The following BLK variants were observed in gnomAD, a reference collection of about 807,000 sequenced individuals.
BLK encodes the protein tyrosine-protein kinase Blk.
In BLK, 64 loss-of-function variants were observed where a neutral mutation model predicts 61.8. That is an observed-to-expected ratio of 1.03 (90% CI 0.85 to 1.27). The LOEUF is 1.27. Ranked by LOEUF, BLK falls within the 50% of genes most tolerant of loss-of-function variation. BLK has a pLI of 0.00. For synonymous variants in BLK, 351 were observed against 272.0 expected, an observed-to-expected ratio of 1.29 and a Z score of -2.86; for missense variants, 853 against 660.5, an observed-to-expected ratio of 1.29 and a Z score of -3.19.
At chr8:11,520,342 T>C (rs1217202452) in intron 1 of BLK, among the ~76,000 whole-genome samples, 3 of 151,518 alleles carry the variant, frequency 2.0e-5, no homozygotes, top group African/African-American at 7.3e-5. Flanking sequence ...CCAGGTGTGG[T>C]GGTGCATGCC....
intron 1 of BLK, among the ~76,000 whole-genome samples, chr8:11,525,438 T>C (rs962650906): frequency 3.3e-5 from 5 of 152,206 alleles, no homozygotes; most frequent in Non-Finnish European, 7.3e-5. Context: ...GACTCCTTTT[T>C]TTAAATTTCA....
intron 6 of BLK, among the ~76,000 whole-genome samples, chr8:11,552,066 A>G (rs566582853): frequency 1.3e-5 from 2 of 152,296 alleles, no homozygotes; most frequent in East Asian, 1.9e-4. Context: ...GAGGAAAGGG[A>G]GAGAGAGTGT....
intron 1 of BLK, among the ~76,000 whole-genome samples, chr8:11,518,340 T>A (rs1006770746): frequency 7.2e-5 from 11 of 152,184 alleles, no homozygotes; most frequent in African/African-American, 2.7e-4. Flanking sequence ...GTTTTTGCAA[T>A]GCATTCACTT....
At chr8:11,559,008 T>C in intron 10 of BLK, 1 of 456,264 alleles carries the variant, frequency 2.2e-6, no homozygotes, top group Non-Finnish European at 4.4e-6. Context: ...AAATGAGTGC[T>C]GGTAACCGGC....
intron 1 of BLK, among the ~76,000 whole-genome samples, chr8:11,528,127 C>T (rs1799742090): frequency 6.6e-6 from 1 of 152,118 alleles, no homozygotes; most frequent in Admixed American, 6.5e-5. Context: ...ATCTCTGCCT[C>T]CCAGGCTCAG....
intron 1 of BLK, among the ~76,000 whole-genome samples, chr8:11,495,596 G>C (rs890721968): frequency 5.1e-5 from 7 of 137,480 alleles, no homozygotes; most frequent in Non-Finnish European, 1.1e-4. Flanking sequence ...AATCCAAACT[G>C]GGGAAGATTC....
intron 1 of BLK, among the ~76,000 whole-genome samples, chr8:11,505,947 C>T (rs1306341831): frequency 6.6e-6 from 1 of 152,230 alleles, no homozygotes; most frequent in Non-Finnish European, 1.5e-5. Flanking sequence ...GTCCTAATGT[C>T]CCTGCCTCCG....
intron 3 of BLK, among the ~76,000 whole-genome samples, chr8:11,547,132 A>G (rs546434450): frequency 6.6e-6 from 1 of 152,268 alleles, no homozygotes; most frequent in Non-Finnish European, 1.5e-5. Flanking sequence ...GCTCTGTCCC[A>G]GGAATGGCGA....
intron 10 of BLK, chr8:11,558,893 G>A (rs1049197108): frequency 7.3e-5 from 33 of 453,218 alleles, no homozygotes; most frequent in African/African-American, 3.9e-4. Context: ...CTCCCACCTC[G>A]CCCCTCGCCC....
chr8:11,535,301 A>AAAGAAAGAAAGAAAGAAAGAAAAG (rs1563102519), intron 1 of BLK, among the ~76,000 whole-genome samples: 7 of 146,052 alleles, frequency 4.8e-5, no homozygotes, highest in African/African-American at 1.7e-4. Flanking sequence ...AGAAAGAAAG[A>AAAGAAAGAAAGAAAGAAAGAAAAG]AAGAAAGAAA....
At chr8:11,559,755 C>G (rs1585420269) in intron 10 of BLK, 1 of 456,302 alleles carries the variant, frequency 2.2e-6, no homozygotes, top group South Asian at 1.5e-5. Flanking sequence ...TCTACCTCCT[C>G]TGCCCAGGAA....
intron 6 of BLK, among the ~76,000 whole-genome samples, chr8:11,550,950 A>G (rs1275165445): frequency 6.6e-6 from 1 of 152,196 alleles, no homozygotes; most frequent in Non-Finnish European, 1.5e-5. Context: ...ATGACAGCCA[A>G]GAGAAAGAGC....
intron 1 of BLK, among the ~76,000 whole-genome samples, chr8:11,521,807 C>T (rs1799462997): frequency 6.6e-6 from 1 of 152,196 alleles, no homozygotes; most frequent in African/African-American, 2.4e-5. Context: ...TGGTCCGTTC[C>T]ATCTTCATTA....
intron 1 of BLK, among the ~76,000 whole-genome samples, chr8:11,532,084 C>A (rs1271847430): frequency 6.6e-6 from 1 of 152,062 alleles, no homozygotes; most frequent in East Asian, 1.9e-4. Flanking sequence ...GTCTCAAACC[C>A]CTGACCTCAA....
chr8:11,543,964 CA>C (rs1181958418), intron 2 of BLK, among the ~76,000 whole-genome samples: 2 of 124,178 alleles, frequency 1.6e-5, no homozygotes, highest in Non-Finnish European at 3.4e-5. Context: ...TCTGAAGATG[CA>C]TTTTTTTTTT....
chr8:11,532,060 T>C (rs567076520), intron 1 of BLK, among the ~76,000 whole-genome samples: 1 of 152,266 alleles, frequency 6.6e-6, no homozygotes, highest in East Asian at 1.9e-4. Flanking sequence ...GGTTTCACCA[T>C]GTTGGCCAGG....
At chr8:11,551,089 C>A (rs1315933654) in intron 6 of BLK, among the ~76,000 whole-genome samples, 4 of 152,106 alleles carry the variant, frequency 2.6e-5, no homozygotes, top group Non-Finnish European at 5.9e-5. Context: ...TGTGGTTTCG[C>A]CACCATGTCT....
chr8:11,557,412 G>C (rs542065421), intron 9 of BLK, among the ~76,000 whole-genome samples: 1 of 152,170 alleles, frequency 6.6e-6, no homozygotes, highest in South Asian at 2.1e-4. Context: ...AGGGGCCCCC[G>C]GTCGGAGGCT....
In BLK at chr8:11,563,899, G is replaced by T. The variant is rs1247677257; in HGVS notation, c.1313-4G>T. 3.1e-6 allele frequency: 5 copies of T among 1,607,966 alleles called. 1 individual carries two copies. In the African/African-American group the frequency reaches 4.0e-5, roughly 13 times the overall value. ...ACCCCCGCTTGCGGTCTCCTCTGCC[G>T]CAGGGATGAGCAACCCCGAGGTCAT... is the stretch of plus-strand genomic sequence containing the variant. On this transcript the variant is annotated splice_polypyrimidine_tract_variant and splice_region_variant and intron_variant, in intron 12 of 12. Coordinates refer to ENST00000259089, the MANE Select transcript of BLK (RefSeq NM_001715.3).
Sources: gnomAD v4.1 joint callset for allele counts (sites outside exome capture counted in the v4.1 genomes callset) on GRCh38, gnomAD v4.1.1 for gene constraint, MANE v1.5 for transcripts, NCBI Gene and HGNC (gene_info 2026-07-23, HGNC 2026-07-21) for gene names.